The following AGAP1 variants were observed in gnomAD, a reference collection of about 807,000 sequenced individuals.
AGAP1 encodes the protein ArfGAP with GTPase domain, ankyrin repeat and PH domain 1.
A neutral mutation model predicts 105.3 loss-of-function variants in AGAP1; 29 were observed. The ratio of observed to expected loss-of-function variants is 0.28; its 90% confidence interval spans 0.21 to 0.38. The LOEUF (loss-of-function observed/expected upper bound fraction) is 0.38. Among genes scored for constraint, AGAP1 ranks in the 10% least tolerant of loss-of-function variants. AGAP1 has a pLI of 1.00. For synonymous variants in AGAP1, 509 were observed against 485.9 expected, an observed-to-expected ratio of 1.05 and a Z score of -0.63; for missense variants, 998 against 1,165.1, an observed-to-expected ratio of 0.86 and a Z score of 2.09.
chr2:235,860,680 T>G (rs1025567208), intron 9 of AGAP1, among the ~76,000 whole-genome samples: 2 of 152,230 alleles, frequency 1.3e-5, no homozygotes, highest in Non-Finnish European at 2.9e-5. Flanking sequence ...TTTTTTGTAA[T>G]AAATGTTTCT....
intron 12 of AGAP1, among the ~76,000 whole-genome samples, chr2:235,940,056 C>T (rs995821298): frequency 5.3e-5 from 8 of 152,150 alleles, no homozygotes; most frequent in Non-Finnish European, 7.4e-5. Flanking sequence ...TCATCCAGAG[C>T]GTCTGTTTCT....
In AGAP1 at chr2:235,793,041, A is replaced by G. The variant is rs1381828786; in HGVS notation, c.674-4718A>G. The stretch of plus-strand genomic sequence containing the variant: ...AAGTTCCAGCCGGAGGAGGAAAACC[A>G]GGGACGTCAGGGTTCATGGAAGCCC... On this transcript the variant is annotated intron_variant, in intron 6 of 17. Transcript: ENST00000304032. This position sits in a 1 kb window ranked among gnomAD's most constrained non-coding sequence, Gnocchi z 5.3. 1.3e-5 allele frequency among the ~76,000 whole-genome samples: 2 copies of G among 152,158 alleles called. No homozygotes were observed. Among genetic ancestry groups the G allele is most frequent in the Non-Finnish European group, 2.9e-5 (2 of 68,018 alleles).
rs192356406 is a variant in AGAP1 at position 235,940,131 on chromosome 2, C to T, written c.1483+9208C>T. Reference sequence around the variant, plus strand: ...ACACACCCAAAGCATCACTTGCACACCCTCCCTCGGCCTCACCTCACAGTC... The same window carrying T: ...ACACACCCAAAGCATCACTTGCACATCCTCCCTCGGCCTCACCTCACAGTC... On this transcript the variant is annotated intron_variant, in intron 12 of 17. Transcript: ENST00000304032. Among the ~76,000 whole-genome samples, 3 of 152,276 alleles carry T rather than the reference C, an allele frequency of 2.0e-5. No individual in the cohort carries two copies. In the East Asian group the frequency reaches 5.8e-4, roughly 29 times the overall value.
chr2:235,890,952 A>AAAAAAAAAAC (rs769338135), intron 10 of AGAP1, among the ~76,000 whole-genome samples: 6,017 of 150,570 alleles, frequency 0.04, 342 homozygotes, highest in African/African-American at 0.11. Flanking sequence ...CAAAAAAAAA[A>AAAAAAAAAAC]ACACCTCAGT....
At chr2:235,806,020 G>C (rs1957818312) in intron 8 of AGAP1, among the ~76,000 whole-genome samples, 1 of 152,146 alleles carries the variant, frequency 6.6e-6, no homozygotes, top group Non-Finnish European at 1.5e-5. Flanking sequence ...TGTTCTCCTT[G>C]TCCTCCTCCT....
chr2:236,108,469 C>G lies in AGAP1; in HGVS notation c.2115-11723C>G, dbSNP rs368369823. Among the ~76,000 whole-genome samples, 202 of 152,310 alleles carry G rather than the reference C, an allele frequency of 1.3e-3. 1 individual carries two copies. Among genetic ancestry groups the G allele is most frequent in the African/African-American group, 4.6e-3 (191 of 41,576 alleles). On this transcript the variant is annotated intron_variant, in intron 16 of 17. Transcript: ENST00000304032. ...CTGAGGGTGTTCCTCCACGCCAGCC[C>G]GCTCTGCTACAGAATCTCCTTGAAA...
intron 12 of AGAP1, among the ~76,000 whole-genome samples, chr2:235,937,172 C>T (rs943567668): frequency 8.5e-5 from 13 of 152,268 alleles, no homozygotes; most frequent in Non-Finnish European, 1.5e-4. Context: ...GTTAAAGGCC[C>T]CTGGGCTCTC....
intron 13 of AGAP1, among the ~76,000 whole-genome samples, chr2:236,007,457 C>T (rs1293784195): frequency 6.6e-6 from 1 of 152,164 alleles, no homozygotes; most frequent in Non-Finnish European, 1.5e-5. Context: ...ATTGTGGAGG[C>T]TGGTGGTCCA....
chr2:235,792,160 C>A lies in AGAP1; in HGVS notation c.674-5599C>A, dbSNP rs890756738. Among the ~76,000 whole-genome samples, 1 of 152,194 alleles carries A rather than the reference C, an allele frequency of 6.6e-6. No homozygotes were observed. Among genetic ancestry groups the A allele is most frequent in the African/African-American group, 2.4e-5 (1 of 41,442 alleles). On this transcript the variant is annotated intron_variant, in intron 6 of 17. Transcript: ENST00000304032. This position sits in a 1 kb window ranked among gnomAD's most constrained non-coding sequence, Gnocchi z 5.3. Reference sequence around the variant, plus strand: ...GCTTTCCCAGTAGCAGAGGAACCCTCTTCCCAAACGTGGGCTTGATTTACA... The same window carrying A: ...GCTTTCCCAGTAGCAGAGGAACCCTATTCCCAAACGTGGGCTTGATTTACA...
At position 235,690,708 on chromosome 2, in the gene AGAP1, C is replaced by T. The variant is rs572856396; in HGVS notation, c.164-18471C>T. Among the ~76,000 whole-genome samples, 18 of 152,250 alleles carry T rather than the reference C, an allele frequency of 1.2e-4. No individual in the cohort carries two copies. Among genetic ancestry groups the T allele is most frequent in the African/African-American group, 3.9e-4 (16 of 41,538 alleles). On this transcript the variant is annotated intron_variant, in intron 1 of 17. Transcript: ENST00000304032. The surrounding 1 kb of genome is among the most constrained non-coding windows in gnomAD (Gnocchi z 4.1). ...CTCTTTGGAAAGAGGTGCAGGCTTC[C>T]GGCTATTGGTAGACACCTGTCTGCT...
At position 235,618,974 on chromosome 2, in the gene AGAP1, G is replaced by A. The variant is rs147198576; in HGVS notation, c.164-90205G>A. Reference sequence around the variant, plus strand: ...AGTAAGAATGATCTTTTGGGTCAGAGTCACAGAAGGAGATGTGAATATGAA... The same window carrying A: ...AGTAAGAATGATCTTTTGGGTCAGAATCACAGAAGGAGATGTGAATATGAA... On this transcript the variant is annotated intron_variant, in intron 1 of 17. Coordinates refer to ENST00000304032, the MANE Select transcript of AGAP1 (RefSeq NM_001037131.3). 1.8e-4 allele frequency among the ~76,000 whole-genome samples: 26 copies of A among 148,250 alleles called. 1 individual carries two copies. Among genetic ancestry groups the A allele is most frequent in the African/African-American group, 5.3e-4 (22 of 41,178 alleles).
At chr2:235,520,002 G>A (rs915713715) in intron 1 of AGAP1, among the ~76,000 whole-genome samples, 5 of 152,080 alleles carry the variant, frequency 3.3e-5, no homozygotes, top group African/African-American at 9.7e-5. Context: ...GGCTGGTTTC[G>A]AACTACTGAC....
At chr2:235,808,287 T>C (rs1361750632) in intron 9 of AGAP1, among the ~76,000 whole-genome samples, 3 of 152,232 alleles carry the variant, frequency 2.0e-5, no homozygotes, top group Non-Finnish European at 4.4e-5. Flanking sequence ...GCTCACTGCT[T>C]TGCTCTCCTC....
chr2:235,908,692 CTT>C lies in AGAP1; in HGVS notation c.1156-33_1156-32del, dbSNP rs8178997. 79,149 of 1,308,844 alleles carry C rather than the reference CTT, an allele frequency of 0.06. 691 individuals carry two copies. Among genetic ancestry groups the C allele is most frequent in the African/African-American group, 0.18 (11,829 of 66,956 alleles). The allele number at this position is 1,308,844 out of a possible 1,614,324, so 81.1% of individuals were successfully genotyped here. A position where few individuals can be genotyped will look rare whatever the true frequency, so the allele number is the denominator to read the frequency against. On this transcript the variant is annotated intron_variant, in intron 10 of 17. Transcript: ENST00000304032. The surrounding 1 kb of genome is among the most constrained non-coding windows in gnomAD (Gnocchi z 4.4). ...CCTTTTGTTCTAGGTTGTAAAAGGT[CTT>C]TTTTTTTTTTTTATCTCTCTTGGAT...
At chr2:235,656,388 AT>A (rs1412939328) in intron 1 of AGAP1, among the ~76,000 whole-genome samples, 1 of 152,206 alleles carries the variant, frequency 6.6e-6, no homozygotes, top group South Asian at 2.1e-4. Context: ...GTATGTCAGT[AT>A]GTTCAGTTCT....
At position 235,665,100 on chromosome 2, in the gene AGAP1, G is replaced by A. The variant is rs1948084770; in HGVS notation, c.164-44079G>A. On this transcript the variant is annotated intron_variant, in intron 1 of 17. Coordinates refer to ENST00000304032, the MANE Select transcript of AGAP1 (RefSeq NM_001037131.3). This position sits in a 1 kb window ranked among gnomAD's most constrained non-coding sequence, Gnocchi z 5.3. ...TAGCCAGGGGTGGTGACATGTGCCT[G>A]TGGTCCCAGCTATTCAGGAGGCAGG... Among the ~76,000 whole-genome samples the A allele has an allele frequency of 6.6e-6, 1 of 152,106 alleles. No individual in the cohort carries two copies.
In AGAP1 at chr2:235,788,843, C is replaced by G. The variant is rs543968008; in HGVS notation, c.674-8916C>G. Among the ~76,000 whole-genome samples, 1 of 152,164 alleles carries G rather than the reference C, an allele frequency of 6.6e-6. No homozygotes were observed. Among genetic ancestry groups the G allele is most frequent in the Non-Finnish European group, 1.5e-5 (1 of 68,032 alleles). Reference sequence around the variant, plus strand: ...TGCGGGGCCACACCACGTTAGGGTGCTTTTCGGCATCTCTCAGTGGGGTGA... The same window carrying G: ...TGCGGGGCCACACCACGTTAGGGTGGTTTTCGGCATCTCTCAGTGGGGTGA... On this transcript the variant is annotated intron_variant, in intron 6 of 17. Coordinates refer to ENST00000304032, the MANE Select transcript of AGAP1 (RefSeq NM_001037131.3). The surrounding 1 kb of genome is among the most constrained non-coding windows in gnomAD (Gnocchi z 6.0).
chr2:235,733,236 G>A lies in AGAP1; in HGVS notation c.311-7727G>A, dbSNP rs900242356. ...ACCAGGCAACACGGGCATCTTCTTTGCCTCCGGAGAGCCTTTGCCGGCCAT... is the reference window on the plus strand; with the variant it reads ...ACCAGGCAACACGGGCATCTTCTTTACCTCCGGAGAGCCTTTGCCGGCCAT... On this transcript the variant is annotated intron_variant, in intron 3 of 17. Coordinates refer to ENST00000304032, the MANE Select transcript of AGAP1 (RefSeq NM_001037131.3). The surrounding 1 kb of genome is among the most constrained non-coding windows in gnomAD (Gnocchi z 5.0). 1.3e-5 allele frequency among the ~76,000 whole-genome samples: 2 copies of A among 152,196 alleles called. No individual in the cohort carries two copies.
At position 236,003,816 on chromosome 2, in the gene AGAP1, C is replaced by T. The variant is rs2056222792; in HGVS notation, c.1646-32745C>T. On this transcript the variant is annotated intron_variant, in intron 13 of 17. Coordinates refer to ENST00000304032, the MANE Select transcript of AGAP1 (RefSeq NM_001037131.3). This position sits in a 1 kb window ranked among gnomAD's most constrained non-coding sequence, Gnocchi z 4.2. ...TTTTTTTTCTGGAAGTTTGCATGTCCTACACTATCTATAAATATGTAACTT... is the reference window on the plus strand; with the variant it reads ...TTTTTTTTCTGGAAGTTTGCATGTCTTACACTATCTATAAATATGTAACTT... Among the ~76,000 whole-genome samples the T allele has an allele frequency of 6.6e-6, 1 of 151,872 alleles. No homozygotes were observed. Among genetic ancestry groups the T allele is most frequent in the African/African-American group, 2.4e-5 (1 of 41,334 alleles).
Sources: gnomAD v4.1 joint callset for allele counts (sites outside exome capture counted in the v4.1 genomes callset) on GRCh38, gnomAD v4.1.1 for gene constraint, Gnocchi (gnomAD v3.1) non-coding constraint, MANE v1.5 for transcripts, NCBI Gene and HGNC (gene_info 2026-07-23, HGNC 2026-07-21) for gene names.